The following ASPHD2 variants were observed in gnomAD, a reference collection of about 807,000 sequenced individuals.
The protein encoded by ASPHD2 is aspartate beta-hydroxylase domain-containing protein 2.
In ASPHD2, 12 loss-of-function variants were observed where a neutral mutation model predicts 34.6. The ratio of observed to expected loss-of-function variants is 0.35; its 90% CI spans 0.22 to 0.56. The LOEUF (loss-of-function observed/expected upper bound fraction) is 0.56, where lower values mean the gene tolerates loss of function less well. Ranked by LOEUF, ASPHD2 falls within the 20% of genes least tolerant of loss-of-function variation. The probability of loss-of-function intolerance (pLI) is 0.87; values close to 1 mark genes in which losing one functional copy is unlikely to be tolerated. For synonymous variants in ASPHD2, 224 were observed against 212.2 expected (o/e 1.06, Z -0.48); for missense variants, 375 against 505.0 (o/e 0.74, Z 2.47).
At chr22:26,442,993 T>C in intron 3 of ASPHD2, 104 bp from the exon 4 acceptor site, 1 of 806,242 alleles carries the variant, frequency 1.2e-6, no homozygotes, top group Non-Finnish European at 2.2e-6. Flanking sequence ...CAGGATGGGG[T>C]CCCTGCCCCG....
chr22:26,438,668 CATACATACAT>C (rs2084817081), intron 2 of ASPHD2, among the ~76,000 whole-genome samples: 1 of 84,352 alleles, frequency 1.2e-5, no homozygotes, highest in Non-Finnish European at 2.6e-5. Flanking sequence ...TATATATACA[CATACATACAT>C]ACACACACAC....
At chr22:26,439,036 T>C (rs1367736344) in intron 2 of ASPHD2, among the ~76,000 whole-genome samples, 2 of 152,200 alleles carry the variant, frequency 1.3e-5, no homozygotes, top group Admixed American at 6.5e-5. Flanking sequence ...CCAGGATTAA[T>C]ACTTTGTATC....
chr22:26,442,599 T>C, intron 3 of ASPHD2, 27 bp downstream of exon 3: 1 of 1,506,174 alleles, frequency 6.6e-7, no homozygotes, highest in Non-Finnish European at 9.1e-7. Flanking sequence ...CCCACTTCCT[T>C]TTTTTCAATG....
chr22:26,438,528 T>C (rs1280123459), intron 2 of ASPHD2, among the ~76,000 whole-genome samples: 8 of 145,522 alleles, frequency 5.5e-5, no homozygotes, highest in Non-Finnish European at 9.0e-5. Context: ...TATATATACA[T>C]ACATATATAC....
intron 2 of ASPHD2, among the ~76,000 whole-genome samples, chr22:26,441,026 T>C (rs893122865): frequency 4.6e-5 from 7 of 152,152 alleles, no homozygotes; most frequent in Non-Finnish European, 8.8e-5. Context: ...TTGCCAAGAG[T>C]GCAGTGAAGA....
rs180717533 is a variant in ASPHD2, at chr22:26,438,454, T to C, written c.886+3953T>C. ...ATATACACACATACATATATATACA[T>C]ATATATACACACACACATATATATA... is the stretch of plus-strand genomic sequence containing the variant. On this transcript the variant is annotated intron_variant, in intron 2 of 3. Transcript: ENST00000215906. Among the ~76,000 whole-genome samples, 138 of 107,648 alleles carry C rather than the reference T, an allele frequency of 1.3e-3. 1 individual carries two copies. Among genetic ancestry groups the C allele is most frequent in the African/African-American group, 3.6e-3 (118 of 32,934 alleles). The allele number at this position is 107,648 out of a possible 152,430, so 70.6% of individuals were successfully genotyped here.
At chr22:26,439,839 G>A (rs950696091) in intron 2 of ASPHD2, among the ~76,000 whole-genome samples, 10 of 152,196 alleles carry the variant, frequency 6.6e-5, no homozygotes, top group Non-Finnish European at 2.9e-5. Flanking sequence ...CCGTCCTTCT[G>A]TCTCCTCCAT....
intron 2 of ASPHD2, among the ~76,000 whole-genome samples, chr22:26,441,285 C>T (rs192780920): frequency 3.3e-5 from 5 of 151,220 alleles, no homozygotes; most frequent in East Asian, 3.9e-4. Flanking sequence ...GAGACCAGCC[C>T]GGTCAACATA....
At position 26,429,472 on chromosome 22, in the gene ASPHD2, CGCGCCCGG is replaced by C. The variant is rs1263193862; in HGVS notation, c.-234_-227del. Reference sequence around the variant, plus strand: ...TCTCCTGGGTCCCGGCAGCCGTCCGCGCGCCCGGGCGCAGGTAAGCTTCGTCTCCGGGG... The same window carrying C: ...TCTCCTGGGTCCCGGCAGCCGTCCGCGCGCAGGTAAGCTTCGTCTCCGGGG... On this transcript the variant is annotated 5_prime_UTR_variant, in exon 1 of 4. Transcript: ENST00000215906. This position sits in a 1 kb window ranked among gnomAD's most constrained non-coding sequence, Gnocchi z 4.5. 1 of 149,894 alleles carries C rather than the reference CGCGCCCGG, an allele frequency of 6.7e-6. No homozygotes were observed. Among genetic ancestry groups the C allele is most frequent in the African/African-American group, 2.4e-5 (1 of 41,066 alleles). The allele number at this position is 149,894 out of a possible 1,614,324, so 9.3% of individuals were successfully genotyped here.
At chr22:26,436,019 C>T (rs186980220) in intron 2 of ASPHD2, among the ~76,000 whole-genome samples, 17 of 152,306 alleles carry the variant, frequency 1.1e-4, no homozygotes, top group Non-Finnish European at 2.4e-4. Flanking sequence ...TGGCACGTGA[C>T]AGCATTTGAT....
At chr22:26,435,078 C>G (rs945797799) in intron 2 of ASPHD2, among the ~76,000 whole-genome samples, 2 of 152,124 alleles carry the variant, frequency 1.3e-5, no homozygotes, top group African/African-American at 4.8e-5. Flanking sequence ...GTGTGTGCGG[C>G]TGTGGTTTTG....
intron 2 of ASPHD2, among the ~76,000 whole-genome samples, chr22:26,440,843 G>A (rs1267882847): frequency 6.6e-6 from 1 of 152,186 alleles, no homozygotes; most frequent in Non-Finnish European, 1.5e-5. Context: ...AGTCCTAGAG[G>A]GGAGACTACA....
chr22:26,431,168 T>C (rs1318328292), intron 1 of ASPHD2, among the ~76,000 whole-genome samples: 2 of 152,198 alleles, frequency 1.3e-5, no homozygotes, highest in Non-Finnish European at 2.9e-5. Context: ...TTAGTAAAAG[T>C]GCTTGGTGTC....
chr22:26,436,438 G>A (rs2084792781), intron 2 of ASPHD2, among the ~76,000 whole-genome samples: 1 of 152,350 alleles, frequency 6.6e-6, no homozygotes, highest in East Asian at 1.9e-4. Context: ...CTGGGGAGGT[G>A]GGTCTGACAC....
chr22:26,443,416 T>G lies in ASPHD2; in HGVS notation c.*210T>G. ...TCGGCTTGTATTTCCTTAGATTTTTTTTTTTTCCTTCCAATCATTTGCTTC... is the reference window on the plus strand; with the variant it reads ...TCGGCTTGTATTTCCTTAGATTTTTGTTTTTTCCTTCCAATCATTTGCTTC... On this transcript the variant is annotated 3_prime_UTR_variant, in exon 4 of 4. Coordinates refer to ENST00000215906, the MANE Select transcript of ASPHD2 (RefSeq NM_020437.5). 1.9e-6 allele frequency: 1 copy of G among 521,160 alleles called. No individual in the cohort carries two copies. Among genetic ancestry groups the G allele is most frequent in the Non-Finnish European group, 3.4e-6 (1 of 292,736 alleles). 32.3% of individuals were successfully genotyped at this position (521,160 alleles called of 1,614,324 possible).
At position 26,443,253 on chromosome 22, in the gene ASPHD2, T is replaced by G; in HGVS notation, c.*47T>G. The stretch of plus-strand genomic sequence containing the variant: ...CGGCGAGAAGGGCCGAGGCGGGGCC[T>G]GGGCAGACTGTGGTCCGGTCCAGTC... On this transcript the variant is annotated 3_prime_UTR_variant, in exon 4 of 4. Transcript: ENST00000215906. 6.6e-7 allele frequency: 1 copy of G among 1,525,238 alleles called. No homozygotes were observed. The highest frequency in any genetic ancestry group is 9.1e-7 in the Non-Finnish European group (1 of 1,099,416). 94.5% of individuals were successfully genotyped at this position (1,525,238 alleles called of 1,614,324 possible).
At chr22:26,434,620 A>G in intron 2 of ASPHD2, 119 bp downstream of exon 2, 2 of 1,135,046 alleles carry the variant, frequency 1.8e-6, no homozygotes, top group Non-Finnish European at 2.5e-6. Flanking sequence ...GTTCACTTTT[A>G]GCAAAAACTG....
At chr22:26,438,595 A>G (rs2084813669) in intron 2 of ASPHD2, among the ~76,000 whole-genome samples, 2 of 138,168 alleles carry the variant, frequency 1.4e-5, no homozygotes, top group Non-Finnish European at 1.6e-5. Flanking sequence ...ACATATATAT[A>G]CACACATATA....
chr22:26,435,380 TA>T (rs916929192), intron 2 of ASPHD2, among the ~76,000 whole-genome samples: 3 of 148,452 alleles, frequency 2.0e-5, no homozygotes, highest in Non-Finnish European at 4.5e-5. Flanking sequence ...TGAGTGGCGA[TA>T]AAAAGCTCGT....
Sources: gnomAD v4.1 joint callset for allele counts (sites outside exome capture counted in the v4.1 genomes callset) on GRCh38, gnomAD v4.1.1 for gene constraint, Gnocchi (gnomAD v3.1) non-coding constraint, MANE v1.5 for transcripts, NCBI Gene and HGNC (gene_info 2026-07-23, HGNC 2026-07-21) for gene names.